Variants in DAB2 observed in about 807,000 individuals in gnomAD.
DAB2 encodes the protein DAB adaptor protein 2.
DAB2 carries 28 observed loss-of-function variants against 71.6 expected under a neutral mutation model. The observed-to-expected ratio is 0.39, with a 90% CI of 0.29 to 0.54. The LOEUF (loss-of-function observed/expected upper bound fraction) is 0.54, where lower values mean the gene tolerates loss of function less well. Ranked by LOEUF, DAB2 falls within the 20% of genes least tolerant of loss-of-function variation. The pLI is 0.68. For synonymous variants in DAB2, 345 were observed against 339.7 expected, an observed-to-expected ratio of 1.02 and a Z score of -0.17; for missense variants, 867 against 928.8, an observed-to-expected ratio of 0.93 and a Z score of 0.86.
intron 1 of DAB2, among the ~76,000 whole-genome samples, chr5:39,419,498 G>C (rs185649604): frequency 6.6e-6 from 1 of 152,182 alleles, no homozygotes; most frequent in African/African-American, 2.4e-5. Flanking sequence ...AGTGAAAGTC[G>C]AATGGGAGAA....
At chr5:39,424,174 C>T (rs1756049590) in intron 1 of DAB2, among the ~76,000 whole-genome samples, 1 of 152,004 alleles carries the variant, frequency 6.6e-6, no homozygotes, top group Admixed American at 6.6e-5. Context: ...CTTACTTAAT[C>T]TTTTTAACCA....
intron 1 of DAB2, among the ~76,000 whole-genome samples, chr5:39,406,602 C>A (rs1364940980): frequency 6.6e-6 from 1 of 152,094 alleles, no homozygotes; most frequent in African/African-American, 2.4e-5. Flanking sequence ...TGATATTAAT[C>A]AGAACATATA....
At chr5:39,375,711 C>G (rs1386307570) in intron 13 of DAB2, among the ~76,000 whole-genome samples, 1 of 151,832 alleles carries the variant, frequency 6.6e-6, no homozygotes, top group Admixed American at 6.6e-5. Context: ...ATGGCGAGAC[C>G]CCATCTCTAC....
At chr5:39,415,400 G>A (rs1755824311) in intron 1 of DAB2, among the ~76,000 whole-genome samples, 1 of 152,072 alleles carries the variant, frequency 6.6e-6, no homozygotes. Flanking sequence ...AACACCAGAA[G>A]GAAACACTAT....
intron 5 of DAB2, among the ~76,000 whole-genome samples, chr5:39,390,212 G>T (rs1341484779): frequency 6.6e-6 from 1 of 152,192 alleles, no homozygotes; most frequent in Non-Finnish European, 1.5e-5. Flanking sequence ...TGTGAAGTCA[G>T]TATTCACTTT....
chr5:39,410,381 T>C (rs1755695512), intron 1 of DAB2, among the ~76,000 whole-genome samples: 2 of 152,154 alleles, frequency 1.3e-5, no homozygotes, highest in Non-Finnish European at 2.9e-5. Flanking sequence ...TCTGTAAGAT[T>C]GAAGTAATTA....
Position 39,382,872 on chromosome 5 carries a change from G to A in DAB2, c.1087C>T (p.Pro363Ser). 1 of 1,614,094 alleles carries A rather than the reference G, an allele frequency of 6.2e-7. No individual in the cohort carries two copies. The highest frequency in any genetic ancestry group is 1.1e-5 in the South Asian group (1 of 91,066). ...GTTTGCGAACTTGAAAAGGGCCATG[G>A]GCCTGCCTGAGCTTCCTGTTTGCCA... ...RTGKQEAQAGPWPFSSSQTQP... is the reference protein window; with the variant it reads ...RTGKQEAQAGSWPFSSSQTQP... Residue 363 changes from proline to serine, a missense_variant, in exon 10 of 15, where the codon CCA becomes TCA. By Grantham distance (74) the Pro-to-Ser change is moderately conservative. Around this residue, in one of 2 missense-constraint regions of DAB2, gnomAD observed 740 missense variants for 734.3 expected, o/e 1.01. Transcript: ENST00000320816.
intron 11 of DAB2, among the ~76,000 whole-genome samples, chr5:39,379,239 A>AGGCCAGGAGTTCAGAACCAACCT (rs1231662676): frequency 1.3e-5 from 2 of 152,142 alleles, no homozygotes; most frequent in Non-Finnish European, 2.9e-5. Flanking sequence ...GGACCACTTG[A>AGGCCAGGAGTTCAGAACCAACCT]GGCCAGGAGT....
At chr5:39,406,420 C>A (rs1755612534) in intron 1 of DAB2, among the ~76,000 whole-genome samples, 1 of 152,148 alleles carries the variant, frequency 6.6e-6, no homozygotes, top group Non-Finnish European at 1.5e-5. Context: ...GCCCCGCTCA[C>A]CAGAGCACTT....
chr5:39,390,691 G>C (rs1158350686), intron 4 of DAB2, 116 bp from the exon 5 acceptor site: 1 of 667,708 alleles, frequency 1.5e-6, no homozygotes, highest in East Asian at 3.0e-5. Flanking sequence ...TAAACCATTT[G>C]AAGATAGACT....
intron 14 of DAB2, among the ~76,000 whole-genome samples, chr5:39,374,569 GT>G (rs1223750010): frequency 6.6e-6 from 1 of 152,172 alleles, no homozygotes; most frequent in Non-Finnish European, 1.5e-5. Context: ...CAGTTAAATG[GT>G]AGAGAAGTAA....
intron 1 of DAB2, among the ~76,000 whole-genome samples, chr5:39,415,334 T>C (rs751857097): frequency 6.6e-6 from 1 of 152,140 alleles, no homozygotes; most frequent in African/African-American, 2.4e-5. Flanking sequence ...ATTTCAGTGA[T>C]GTTTCCTTCA....
chr5:39,399,797 T>C (rs1345663122), intron 1 of DAB2, among the ~76,000 whole-genome samples: 2 of 152,232 alleles, frequency 1.3e-5, no homozygotes, highest in African/African-American at 4.8e-5. Flanking sequence ...TCATATAAAA[T>C]GTCTAGTGTT....
intron 1 of DAB2, among the ~76,000 whole-genome samples, chr5:39,424,146 C>T (rs1388014632): frequency 6.6e-6 from 1 of 152,038 alleles, no homozygotes; most frequent in Non-Finnish European, 1.5e-5. Context: ...ATTCATTTTT[C>T]CCCCCTTTTT....
intron 1 of DAB2, among the ~76,000 whole-genome samples, chr5:39,421,807 A>C (rs1755992093): frequency 6.6e-6 from 1 of 151,974 alleles, no homozygotes; most frequent in Non-Finnish European, 1.5e-5. Context: ...CTGTAATTCC[A>C]GCACTTTGGG....
At chr5:39,419,575 G>T (rs1364775874) in intron 1 of DAB2, among the ~76,000 whole-genome samples, 1 of 152,144 alleles carries the variant, frequency 6.6e-6, no homozygotes, top group Non-Finnish European at 1.5e-5. Context: ...TTTATGGAGA[G>T]GACTTCATCT....
intron 9 of DAB2, among the ~76,000 whole-genome samples, chr5:39,385,634 G>A (rs554512180): frequency 4.6e-5 from 7 of 152,250 alleles, no homozygotes; most frequent in East Asian, 1.9e-4. Flanking sequence ...CTGGAGACAC[G>A]GCAGTGCGTT....
intron 10 of DAB2, 135 bp from the exon 11 acceptor site, chr5:39,381,751 A>T: frequency 1.2e-6 from 1 of 808,076 alleles, no homozygotes; most frequent in Non-Finnish European, 1.9e-6. Context: ...GATGAACAAC[A>T]ACAACTACTA....
chr5:39,395,917 A>T (rs2859492), intron 1 of DAB2, among the ~76,000 whole-genome samples: 1 of 149,450 alleles, frequency 6.7e-6, no homozygotes, highest in Non-Finnish European at 1.5e-5. Context: ...TTCCAGAGGG[A>T]AGGCTAAGAC....
Sources: allele counts gnomAD v4.1 joint callset (sites outside exome capture counted in the v4.1 genomes callset), GRCh38; gene constraint gnomAD v4.1.1; regional missense constraint gnomAD v4.1.1; transcripts MANE v1.5; gene names NCBI Gene and HGNC (gene_info 2026-07-23, HGNC 2026-07-21).